COL4A6: variants seen among roughly 807,000 people sequenced by gnomAD.
The protein encoded by COL4A6 is collagen alpha-6(IV) chain.
A neutral mutation model predicts 126.7 loss-of-function variants in COL4A6; 59 were observed. The observed-to-expected ratio is 0.47, with a 90% CI of 0.38 to 0.58. The LOEUF is 0.58. Ranked by LOEUF, COL4A6 falls within the 20% of genes least tolerant of loss-of-function variation. COL4A6 has a pLI of 0.00. For synonymous variants in COL4A6, 547 were observed against 496.6 expected (o/e 1.10, Z -1.35); for missense variants, 1,285 against 1,337.3 (o/e 0.96, Z 0.61).
intron 2 of COL4A6, among the ~76,000 whole-genome samples, chrX:108,371,497 T>C (rs1406999951): frequency 9.4e-6 from 1 of 106,622 alleles, no homozygotes; most frequent in African/African-American, 3.4e-5. Flanking sequence ...AACACAACTG[T>C]ATATACTTTA....
chrX:108,379,055 C>T (rs1603192580), intron 2 of COL4A6, among the ~76,000 whole-genome samples: 1 of 111,830 alleles, frequency 8.9e-6, no homozygotes, highest in African/African-American at 3.3e-5. Context: ...CTCCATGGAC[C>T]CACATTGGAT....
intron 3 of COL4A6, among the ~76,000 whole-genome samples, chrX:108,271,763 A>C (rs1264132490): frequency 4.5e-5 from 5 of 111,999 alleles, no homozygotes; most frequent in African/African-American, 6.5e-5. Flanking sequence ...TTCTCACTTC[A>C]TGCAATAGTC....
At chrX:108,405,096 A>G (rs1295194035) in intron 2 of COL4A6, among the ~76,000 whole-genome samples, 1 of 112,115 alleles carries the variant, frequency 8.9e-6, no homozygotes, top group Admixed American at 9.4e-5. Context: ...AAGACTGCTC[A>G]GTCTATTCCT....
intron 3 of COL4A6, among the ~76,000 whole-genome samples, chrX:108,243,633 C>G (rs2036635250): frequency 8.9e-6 from 1 of 111,985 alleles, no homozygotes; most frequent in Non-Finnish European, 1.9e-5. Flanking sequence ...TAAGATAAGG[C>G]ATGGCCTGGA....
chrX:108,294,737 C>A (rs1178100475), intron 3 of COL4A6, among the ~76,000 whole-genome samples: 2 of 111,088 alleles, frequency 1.8e-5, no homozygotes, highest in Non-Finnish European at 1.9e-5. Context: ...GTTACCTCAT[C>A]TGCAAAATGG....
At chrX:108,230,537 A>C (rs993099514) in intron 3 of COL4A6, among the ~76,000 whole-genome samples, 3 of 111,774 alleles carry the variant, frequency 2.7e-5, no homozygotes, top group African/African-American at 9.8e-5. Context: ...GTTGGGGGGA[A>C]ATGCAAGAAC....
chrX:108,438,823 A>C (rs1005747574), upstream of COL4A6, among the ~76,000 whole-genome samples: 2 of 112,712 alleles, frequency 1.8e-5, no homozygotes, highest in African/African-American at 6.4e-5. Context: ...GCAGAACCTA[A>C]GGATGAGTGG....
chrX:108,414,840 C>T (rs1375706621), intron 2 of COL4A6, among the ~76,000 whole-genome samples: 1 of 110,980 alleles, frequency 9.0e-6, no homozygotes, highest in Non-Finnish European at 1.9e-5. Context: ...TAGCCTACAG[C>T]AGCACTGGTG....
At chrX:108,168,837 G>A (rs1216335541) in intron 37 of COL4A6, among the ~76,000 whole-genome samples, 1 of 111,521 alleles carries the variant, frequency 9.0e-6, no homozygotes, top group Non-Finnish European at 1.9e-5. Flanking sequence ...TTCATTTCCT[G>A]GTTAACATGG....
intron 2 of COL4A6, among the ~76,000 whole-genome samples, chrX:108,381,930 A>C (rs1165888300): frequency 9.3e-6 from 1 of 107,321 alleles, no homozygotes; most frequent in African/African-American, 3.7e-5. Flanking sequence ...TTTTCTTCCT[A>C]TCTCTCTCTC....
chrX:108,254,939 C>T (rs1345808012), intron 3 of COL4A6, among the ~76,000 whole-genome samples: 1 of 108,692 alleles, frequency 9.2e-6, no homozygotes, highest in African/African-American at 3.3e-5. Flanking sequence ...TTTACTTAAC[C>T]TTATCTGGGC....
chrX:108,325,651 G>C (rs986879348), intron 2 of COL4A6, among the ~76,000 whole-genome samples: 1 of 111,201 alleles, frequency 9.0e-6, no homozygotes, highest in Non-Finnish European at 1.9e-5. Context: ...CAGGGATATA[G>C]ATACAAAACT....
intron 2 of COL4A6, among the ~76,000 whole-genome samples, chrX:108,404,826 T>A (rs1421519391): frequency 8.9e-6 from 1 of 112,191 alleles, no homozygotes; most frequent in Non-Finnish European, 1.9e-5. Context: ...CAGCCATATA[T>A]CATTGCCAAT....
chrX:108,161,693 C>A lies in COL4A6; in HGVS notation c.4259G>T (p.Ser1420Ile). ...AGCCCCAGGTGGGCCTGGGAGCCCA[C>A]TGGGGCCATCTTTACCGGGGATGCC... ...LPGIPGKDGP[S>I]GLPGPPGALG... The change falls in exon 42 of 45, where the codon AGT becomes ATT. Residue 1420 changes from serine (S) to isoleucine (I), a missense_variant. Ser to Ile is a moderately radical substitution (Grantham distance 142). Coordinates refer to ENST00000334504, the MANE Select transcript of COL4A6 (RefSeq NM_033641.4). 2.5e-6 allele frequency: 3 copies of A among 1,206,635 alleles called. No homozygotes were observed. Among genetic ancestry groups the A allele is most frequent in the Non-Finnish European group, 3.4e-6 (3 of 892,644 alleles).
chrX:108,307,027 G>A (rs1463330803), intron 3 of COL4A6, among the ~76,000 whole-genome samples: 1 of 109,387 alleles, frequency 9.1e-6, no homozygotes, highest in Non-Finnish European at 1.9e-5. Context: ...ATAATGCAGA[G>A]ATAGCTTTCA....
chrX:108,289,843 G>A (rs2038115630), intron 3 of COL4A6, among the ~76,000 whole-genome samples: 1 of 112,220 alleles, frequency 8.9e-6, no homozygotes, highest in African/African-American at 3.2e-5. Context: ...TCTGCTTCCA[G>A]TGGTGTGCTG....
chrX:108,226,828 C>A (rs2036180606), intron 3 of COL4A6, among the ~76,000 whole-genome samples: 1 of 111,234 alleles, frequency 9.0e-6, no homozygotes, highest in Admixed American at 9.5e-5. Flanking sequence ...ATTCTACCTC[C>A]AAAATCTAAC....
intron 2 of COL4A6, among the ~76,000 whole-genome samples, chrX:108,382,338 T>A (rs1017701987): frequency 4.5e-5 from 5 of 112,081 alleles, no homozygotes; most frequent in Non-Finnish European, 9.4e-5. Flanking sequence ...GAAGATGAAA[T>A]GATTTAATTG....
chrX:108,184,959 C>T (rs1171487109), intron 23 of COL4A6, among the ~76,000 whole-genome samples: 3 of 112,091 alleles, frequency 2.7e-5, no homozygotes. Context: ...TTGTTGCTTG[C>T]AAAATGGTTT....
Sources: gnomAD v4.1 joint callset for allele counts (sites outside exome capture counted in the v4.1 genomes callset) on GRCh38, gnomAD v4.1.1 for gene constraint, MANE v1.5 for transcripts, NCBI Gene and HGNC (gene_info 2026-07-23, HGNC 2026-07-21) for gene names.